The following ROBO2 variants were observed in gnomAD, a reference collection of about 807,000 sequenced individuals.
ROBO2 encodes roundabout homolog 2.
In ROBO2, 53 loss-of-function variants were observed where a neutral mutation model predicts 160.8. The observed-to-expected ratio is 0.33, with a 90% CI of 0.26 to 0.41. ROBO2 has a LOEUF of 0.41. ROBO2 is among the 10% of genes least tolerant of loss of function. ROBO2 has a pLI of 1.00. For synonymous variants in ROBO2, 664 were observed against 611.7 expected (o/e 1.09, Z -1.26); for missense variants, 1,577 against 1,722.4 (o/e 0.92, Z 1.49).
At chr3:75,929,366 G>T (rs1170016666) in intron 1 of ROBO2, among the ~76,000 whole-genome samples, 1 of 152,090 alleles carries the variant, frequency 6.6e-6, no homozygotes, top group Non-Finnish European at 1.5e-5. Context: ...TTAATTTTTT[G>T]CAGAATTTAC....
At chr3:76,812,422 C>T (rs570458755) in intron 2 of ROBO2, among the ~76,000 whole-genome samples, 4 of 149,858 alleles carry the variant, frequency 2.7e-5, no homozygotes, top group African/African-American at 4.9e-5. Flanking sequence ...CATCGCAGCC[C>T]TTAGTTATCA....
chr3:76,011,255 T>A (rs2066184474), intron 2 of ROBO2, among the ~76,000 whole-genome samples: 1 of 152,162 alleles, frequency 6.6e-6, no homozygotes, highest in Admixed American at 6.5e-5. Flanking sequence ...ATTCCCGCGA[T>A]CACTTCAAGG....
At chr3:76,272,961 T>TATATAAAATATATATAATATATA (rs1559706648) in intron 2 of ROBO2, among the ~76,000 whole-genome samples, 82 of 9,248 alleles carry the variant, frequency 8.9e-3, no homozygotes, top group Middle Eastern at 0.17. Flanking sequence ...ATAATATATA[T>TATATAAAATATATATAATATATA]TTATATATAA....
At chr3:77,284,828 G>A (rs1473451102) in intron 2 of ROBO2, among the ~76,000 whole-genome samples, 1 of 152,058 alleles carries the variant, frequency 6.6e-6, no homozygotes, top group Non-Finnish European at 1.5e-5. Flanking sequence ...TTAGAAATAT[G>A]AAGTAGGGTA....
At chr3:77,213,446 G>T (rs1056417922) in intron 2 of ROBO2, among the ~76,000 whole-genome samples, 1 of 151,488 alleles carries the variant, frequency 6.6e-6, no homozygotes, top group Non-Finnish European at 1.5e-5. Context: ...ATTTTTTATT[G>T]CATCTATTTG....
chr3:77,289,113 T>G (rs1415197320), intron 2 of ROBO2, among the ~76,000 whole-genome samples: 9 of 152,128 alleles, frequency 5.9e-5, no homozygotes, highest in Non-Finnish European at 2.9e-5. Context: ...GATTGTACAG[T>G]CTAGTGGGTG....
intron 2 of ROBO2, among the ~76,000 whole-genome samples, chr3:76,901,722 A>G (rs999232628): frequency 2.6e-5 from 4 of 152,088 alleles, no homozygotes; most frequent in African/African-American, 9.7e-5. Flanking sequence ...ATGCTTAAGA[A>G]CAATGGATAT....
chr3:76,215,520 C>G (rs1339047211), intron 2 of ROBO2, among the ~76,000 whole-genome samples: 1 of 152,080 alleles, frequency 6.6e-6, no homozygotes, highest in East Asian at 1.9e-4. Context: ...AATGCAGAAG[C>G]CTCAGTAGTC....
intron 2 of ROBO2, among the ~76,000 whole-genome samples, chr3:76,882,018 G>T (rs1577228354): frequency 6.7e-6 from 1 of 150,136 alleles, no homozygotes; most frequent in Non-Finnish European, 1.5e-5. Context: ...TAGTTTGGTT[G>T]TGTGTGTGTG....
At chr3:76,453,593 T>C (rs1457631851) in intron 2 of ROBO2, among the ~76,000 whole-genome samples, 2 of 152,194 alleles carry the variant, frequency 1.3e-5, no homozygotes, top group African/African-American at 4.8e-5. Context: ...TGTAGTATAG[T>C]TTGAAGTCAG....
chr3:76,316,272 C>T (rs968641330), intron 2 of ROBO2, among the ~76,000 whole-genome samples: 3 of 152,102 alleles, frequency 2.0e-5, no homozygotes, highest in Non-Finnish European at 4.4e-5. Flanking sequence ...TATCTCAGTC[C>T]TTATCTCAAC....
At chr3:76,017,704 G>C (rs1229225168) in intron 2 of ROBO2, among the ~76,000 whole-genome samples, 1 of 151,940 alleles carries the variant, frequency 6.6e-6, no homozygotes, top group East Asian at 1.9e-4. Flanking sequence ...CACACTCAAT[G>C]TCATAGCAAT....
At chr3:77,124,913 C>T (rs1433126471) in intron 2 of ROBO2, among the ~76,000 whole-genome samples, 1 of 151,698 alleles carries the variant, frequency 6.6e-6, no homozygotes, top group Non-Finnish European at 1.5e-5. Flanking sequence ...CCCTTTCTTT[C>T]CTTTTTCCTC....
At chr3:77,141,141 T>C (rs2076667379) in intron 2 of ROBO2, among the ~76,000 whole-genome samples, 1 of 152,226 alleles carries the variant, frequency 6.6e-6, no homozygotes, top group South Asian at 2.1e-4. Flanking sequence ...AATTTGATCT[T>C]ATAGCAAGTA....
rs181199812 is a variant in ROBO2, at chr3:76,748,439, T to G, written c.110-349575T>G. Among the ~76,000 whole-genome samples the G allele has an allele frequency of 1.2e-3, 180 of 151,822 alleles. 1 individual carries two copies. The highest frequency in any genetic ancestry group is 4.3e-3 in the African/African-American group (178 of 41,524). On this transcript the variant is annotated intron_variant, in intron 2 of 26. Coordinates refer to the ROBO2 transcript ENST00000487694. Reference sequence around the variant, plus strand: ...TTGCCTTATATATAAAAATGCATATTGAAAGTTTAAAAACAACTGGTACTG... The same window carrying G: ...TTGCCTTATATATAAAAATGCATATGGAAAGTTTAAAAACAACTGGTACTG...
intron 2 of ROBO2, among the ~76,000 whole-genome samples, chr3:76,367,719 A>G (rs2075895438): frequency 6.6e-6 from 1 of 152,008 alleles, no homozygotes; most frequent in South Asian, 2.1e-4. Flanking sequence ...CTTTGAAAAT[A>G]AAGCCTCTTA....
chr3:76,900,072 A>T (rs1255267045), intron 2 of ROBO2, among the ~76,000 whole-genome samples: 1 of 152,134 alleles, frequency 6.6e-6, no homozygotes, highest in African/African-American at 2.4e-5. Context: ...AAGAAGGAGC[A>T]AGTCACAGCT....
At chr3:76,446,387 A>G (rs2077182981) in intron 2 of ROBO2, among the ~76,000 whole-genome samples, 1 of 152,176 alleles carries the variant, frequency 6.6e-6, no homozygotes, top group Non-Finnish European at 1.5e-5. Context: ...AACGAAATAG[A>G]AGAGGACACA....
Position 76,794,060 on chromosome 3 carries a change from G to A in ROBO2, c.110-303954G>A, listed in dbSNP as rs925414360. Among the ~76,000 whole-genome samples, 3 of 151,764 alleles carry A rather than the reference G, an allele frequency of 2.0e-5. No individual in the cohort carries two copies. The East Asian group carries it at 5.8e-4, about 29-fold the overall frequency. ...ATAGGACTCTTCTTTTGGTTCTAAT[G>A]CCTTGAATCTTGAAATCTTGTAATG... is the stretch of plus-strand genomic sequence containing the variant. On this transcript the variant is annotated intron_variant, in intron 2 of 26. Coordinates refer to the ROBO2 transcript ENST00000487694.
Sources: gnomAD v4.1 joint callset for allele counts (sites outside exome capture counted in the v4.1 genomes callset) on GRCh38, gnomAD v4.1.1 for gene constraint, MANE v1.5 for transcripts, NCBI Gene and HGNC (gene_info 2026-07-23, HGNC 2026-07-21) for gene names.